Variants in SLC2A2 observed in about 807,000 individuals in gnomAD.
SLC2A2 encodes the protein solute carrier family 2, facilitated glucose transporter member 2.
SLC2A2 carries 36 observed loss-of-function variants against 54.5 expected under a neutral mutation model. The ratio of observed to expected loss-of-function variants is 0.66; its 90% CI spans 0.51 to 0.87. SLC2A2 has a LOEUF of 0.87. SLC2A2 is among the 40% of genes least tolerant of loss of function. The pLI, the probability that SLC2A2 is intolerant of heterozygous loss-of-function variation, is 0.00. For synonymous variants in SLC2A2, 223 were observed against 219.1 expected, an observed-to-expected ratio of 1.02 and a Z score of -0.16; for missense variants, 543 against 624.3, an observed-to-expected ratio of 0.87 and a Z score of 1.39.
chr3:170,997,338 T>C lies in SLC2A2; in HGVS notation c.*565A>G, dbSNP rs1430182526. On this transcript the variant is annotated 3_prime_UTR_variant, in exon 11 of 11. Coordinates refer to ENST00000314251, the MANE Select transcript of SLC2A2 (RefSeq NM_000340.2). ...TCTCTATAGACATTTTTTAGTATAC[T>C]CTATAATCCATTCCACATGAAAATA... is the stretch of plus-strand genomic sequence containing the variant. The C allele has an allele frequency of 2.6e-5, 4 of 152,354 alleles. No individual in the cohort carries two copies. The highest frequency in any genetic ancestry group is 9.7e-5 in the African/African-American group (4 of 41,448). The allele number at this position is 152,354 out of a possible 1,614,324, so 9.4% of individuals were successfully genotyped here.
intron 1 of SLC2A2, 111 bp from the exon 2 acceptor site, chr3:171,018,734 C>A: frequency 1.3e-6 from 1 of 748,594 alleles, no homozygotes; most frequent in South Asian, 1.4e-5. Context: ...GGTTCTTTCC[C>A]CTCAATATCG....
At chr3:171,015,326 C>T (rs1262651662) in intron 2 of SLC2A2, among the ~76,000 whole-genome samples, 1 of 151,954 alleles carries the variant, frequency 6.6e-6, no homozygotes, top group Non-Finnish European at 1.5e-5. Flanking sequence ...AAAAATTACC[C>T]AGGCATGGTG....
In SLC2A2 at chr3:170,998,252, C is replaced by A. The variant is rs762675284; in HGVS notation, c.1315G>T (p.Ala439Ser). ...QGPRPAALAI[A>S]AFSNWTCNFI... ...TTGCAGGTCCAATTGCTGAATGCAG[C>A]TATTGCTAAAGCAGCAGGACGTGGT... The change falls in exon 10 of 11, where the codon GCT becomes TCT. Residue 439 changes from alanine to serine, a missense_variant. Physicochemically the swap from Ala to Ser is moderately conservative, Grantham distance 99. Transcript: ENST00000314251. 64 of 1,613,798 alleles carry A rather than the reference C, an allele frequency of 4.0e-5. No homozygotes were observed. The highest frequency in any genetic ancestry group is 5.2e-5 in the Non-Finnish European group (61 of 1,179,820).
chr3:171,010,862 A>G (rs1051836380), intron 3 of SLC2A2, among the ~76,000 whole-genome samples: 1 of 152,114 alleles, frequency 6.6e-6, no homozygotes, highest in African/African-American at 2.4e-5. Context: ...AATTGACAAC[A>G]TTTGCAGATA....
Position 170,997,854 on chromosome 3 carries a change from G to C in SLC2A2, c.*49C>G. The C allele has an allele frequency of 6.9e-7, 1 of 1,458,150 alleles. No homozygotes were observed. Among genetic ancestry groups the C allele is most frequent in the Non-Finnish European group, 9.6e-7 (1 of 1,044,730 alleles). The allele number at this position is 1,458,150 out of a possible 1,614,324, so 90.3% of individuals were successfully genotyped here. ...CTCAAGGAATCATCATTTAAAAACA[G>C]ACGGTTCCCTTATTGTTTCTGTTCA... On this transcript the variant is annotated 3_prime_UTR_variant, in exon 11 of 11. Transcript: ENST00000314251.
At chr3:171,025,302 G>A (rs1389426099) in intron 1 of SLC2A2, among the ~76,000 whole-genome samples, 2 of 136,532 alleles carry the variant, frequency 1.5e-5, no homozygotes, top group Non-Finnish European at 1.5e-5. Context: ...TATTTAAAGT[G>A]TTTATACATT....
intron 4 of SLC2A2, 39 bp from the exon 5 acceptor site, chr3:171,007,302 G>A (rs1417323243): frequency 3.4e-6 from 4 of 1,189,422 alleles, no homozygotes; most frequent in Non-Finnish European, 5.0e-6. Flanking sequence ...AGTGCAACCA[G>A]GACTATCTCA....
intron 9 of SLC2A2, 71 bp from the exon 10 acceptor site, chr3:170,998,467 T>A: frequency 1.6e-6 from 2 of 1,231,040 alleles, no homozygotes; most frequent in Non-Finnish European, 2.4e-6. Flanking sequence ...CTAAGTAGCC[T>A]CTGAGTTCAC....
At chr3:170,999,640 G>A (rs1426876263) in intron 8 of SLC2A2, among the ~76,000 whole-genome samples, 8 of 152,036 alleles carry the variant, frequency 5.3e-5, no homozygotes, top group African/African-American at 1.7e-4. Context: ...CAGTACAACT[G>A]TTCAGGTGTC....
intron 5 of SLC2A2, among the ~76,000 whole-genome samples, chr3:171,006,309 T>TA (rs1553786415): frequency 2.0e-5 from 3 of 151,880 alleles, no homozygotes; most frequent in African/African-American, 4.8e-5. Flanking sequence ...TAGGTTTTTT[T>TA]ATCTCACTTT....
chr3:171,003,061 C>T (rs1715413755), intron 7 of SLC2A2, among the ~76,000 whole-genome samples: 1 of 151,936 alleles, frequency 6.6e-6, no homozygotes, highest in Admixed American at 6.6e-5. Flanking sequence ...AAATAATTTC[C>T]ACCCCTCCAG....
At chr3:171,014,918 C>A (rs905380845) in intron 2 of SLC2A2, among the ~76,000 whole-genome samples, 187 bp from the exon 3 acceptor site, 1 of 151,914 alleles carries the variant, frequency 6.6e-6, no homozygotes, top group Non-Finnish European at 1.5e-5. Context: ...AATTACATTG[C>A]CAACAAGAAC....
intron 2 of SLC2A2, among the ~76,000 whole-genome samples, chr3:171,015,569 G>A (rs1716113035): frequency 6.6e-6 from 1 of 152,094 alleles, no homozygotes; most frequent in Non-Finnish European, 1.5e-5. Context: ...TATTTTAACA[G>A]AATCATAAAA....
chr3:171,012,061 A>T (rs1576835683), intron 3 of SLC2A2, among the ~76,000 whole-genome samples: 1 of 152,180 alleles, frequency 6.6e-6, no homozygotes, highest in South Asian at 2.1e-4. Context: ...TCTGACTCTA[A>T]ATACTTCAGA....
chr3:171,017,639 C>T (rs553442940), intron 2 of SLC2A2, among the ~76,000 whole-genome samples: 1 of 152,272 alleles, frequency 6.6e-6, no homozygotes, highest in African/African-American at 2.4e-5. Flanking sequence ...TTATTGAGTA[C>T]CTTCTTTATG....
In SLC2A2 at chr3:171,006,164, C is replaced by T. The variant is rs1715596687; in HGVS notation, c.613-59G>A. Reference sequence around the variant, plus strand: ...TAATACTTTGGATCTACCTTTTACACTAGTTTGTTGAAAAAGTACTTTGGC... The same window carrying T: ...TAATACTTTGGATCTACCTTTTACATTAGTTTGTTGAAAAAGTACTTTGGC... On this transcript the variant is annotated intron_variant, in intron 5 of 10. Transcript: ENST00000314251. The T allele has an allele frequency of 3.3e-6, 5 of 1,514,152 alleles. No homozygotes were observed. In the South Asian group the frequency reaches 5.8e-5, roughly 18 times the overall value. The allele number at this position is 1,514,152 out of a possible 1,614,324, so 93.8% of individuals were successfully genotyped here.
intron 10 of SLC2A2, 30 bp from the exon 11 acceptor site, chr3:170,998,133 T>A: frequency 6.2e-7 from 1 of 1,613,264 alleles, no homozygotes; most frequent in Non-Finnish European, 8.5e-7. Context: ...AGACTTTGAG[T>A]TAGCAGTTTT....
rs922477710 is a variant in SLC2A2 at position 170,996,931 on chromosome 3, T to A, written c.*972A>T. 6.0e-6 allele frequency: 2 copies of A among 331,340 alleles called. No individual in the cohort carries two copies. The highest frequency in any genetic ancestry group is 1.1e-5 in the Non-Finnish European group (2 of 184,140). The allele number at this position is 331,340 out of a possible 1,614,324, so 20.5% of individuals were successfully genotyped here. ...TACCTTTTCAACTTATTTTGAGACA[T>A]AATAATTCAGAAAATATTTTTAACA... On this transcript the variant is annotated 3_prime_UTR_variant, in exon 11 of 11. Coordinates refer to ENST00000314251, the MANE Select transcript of SLC2A2 (RefSeq NM_000340.2).
At chr3:171,026,098 C>A (rs911880964) in intron 1 of SLC2A2, among the ~76,000 whole-genome samples, 2 of 152,108 alleles carry the variant, frequency 1.3e-5, no homozygotes, top group African/African-American at 4.8e-5. Context: ...TAATTAGATA[C>A]CATTATTATA....
Sources: allele counts gnomAD v4.1 joint callset (sites outside exome capture counted in the v4.1 genomes callset), GRCh38; gene constraint gnomAD v4.1.1; transcripts MANE v1.5; gene names NCBI Gene and HGNC (gene_info 2026-07-23, HGNC 2026-07-21).